Variants in SLC44A5 observed in about 807,000 individuals in gnomAD.
SLC44A5 encodes solute carrier family 44 member 5, also known as choline transporter-like protein 5.
Under a neutral mutation model 101.8 loss-of-function variants are expected in SLC44A5, and 57 were observed. The ratio of observed to expected loss-of-function variants is 0.56; its 90% CI spans 0.45 to 0.70. SLC44A5 has a LOEUF of 0.70. Among genes scored for constraint, SLC44A5 ranks in the 30% least tolerant of loss-of-function variants. SLC44A5 has a pLI of 0.00. For missense variants in SLC44A5, 737 were observed against 853.1 expected (o/e 0.86, Z 1.70); for synonymous variants, 281 against 290.9 (o/e 0.97, Z 0.35).
intron 2 of SLC44A5, among the ~76,000 whole-genome samples, chr1:75,456,443 T>C (rs1666193590): frequency 1.3e-5 from 2 of 152,174 alleles, no homozygotes; most frequent in Non-Finnish European, 2.9e-5. Flanking sequence ...CTCCAAACCT[T>C]AACATCACAC....
At chr1:75,689,276 T>A in the SLC44A5 span, among the ~76,000 whole-genome samples, 1,151 of 151,884 alleles carry the variant, frequency 7.6e-3, 18 homozygotes, top group African/African-American at 0.027. Flanking sequence ...CCCATTCAAG[T>A]CCTAAACTTC....
At position 75,217,879 on chromosome 1, in the gene SLC44A5, G is replaced by A; in HGVS notation, c.1611C>T (p.Asp537=). 4 of 1,588,058 alleles carry A rather than the reference G, an allele frequency of 2.5e-6. No individual in the cohort carries two copies. Among genetic ancestry groups the A allele is most frequent in the Non-Finnish European group, 3.5e-6 (4 of 1,156,796 alleles). ...QMFKIVLEYL[D]HRLKRTQNTL... ...CTGAAATCTTACGTTTAAGACGGTG[G>A]TCCAAGTATTCTAGTACAATTTTAA... is the stretch of plus-strand genomic sequence containing the variant. The change falls in exon 18 of 24, where the codon GAC becomes GAT. Residue 537 remains aspartate, a synonymous_variant. Coordinates refer to ENST00000370859, the MANE Select transcript of SLC44A5 (RefSeq NM_001130058.2).
intron 7 of SLC44A5, among the ~76,000 whole-genome samples, chr1:75,245,841 G>A (rs1227411374): frequency 6.6e-6 from 1 of 152,082 alleles, no homozygotes; most frequent in Non-Finnish European, 1.5e-5. Context: ...ACTTCAAATA[G>A]GGTGCAGATT....
chr1:75,313,473 C>G (rs780371516), intron 4 of SLC44A5, among the ~76,000 whole-genome samples: 1 of 152,156 alleles, frequency 6.6e-6, no homozygotes, highest in Non-Finnish European at 1.5e-5. Flanking sequence ...ATGTAGTTAG[C>G]TGGCATCTGT....
chr1:75,563,751 A>G (rs1018385408), intron 1 of SLC44A5, among the ~76,000 whole-genome samples: 8 of 152,160 alleles, frequency 5.3e-5, no homozygotes, highest in African/African-American at 1.9e-4. Flanking sequence ...AAACCACATA[A>G]TAAGTGCAAA....
At chr1:75,613,229 G>A (rs1675732892), upstream of SLC44A5, among the ~76,000 whole-genome samples, 1 of 152,178 alleles carries the variant, frequency 6.6e-6, no homozygotes, top group South Asian at 2.1e-4. Flanking sequence ...ATGGAATATT[G>A]CTAAATCTAC....
At chr1:75,319,577 C>A (rs1253389195) in intron 4 of SLC44A5, among the ~76,000 whole-genome samples, 1 of 152,196 alleles carries the variant, frequency 6.6e-6, no homozygotes, top group Non-Finnish European at 1.5e-5. Flanking sequence ...CCAAGTTCTG[C>A]CTTTTTTTCT....
intron 2 of SLC44A5, among the ~76,000 whole-genome samples, chr1:75,411,250 G>A (rs1477912455): frequency 6.6e-6 from 1 of 152,072 alleles, no homozygotes; most frequent in Non-Finnish European, 1.5e-5. Flanking sequence ...AAGGAAGAAA[G>A]GGGTCTCAAG....
At chr1:75,417,006 G>A (rs769749527) in intron 2 of SLC44A5, among the ~76,000 whole-genome samples, 12 of 152,238 alleles carry the variant, frequency 7.9e-5, no homozygotes, top group East Asian at 1.9e-4. Context: ...GAGTTGAAAC[G>A]AGTTGAGACC....
chr1:75,486,916 T>C (rs1254114213), intron 2 of SLC44A5, among the ~76,000 whole-genome samples: 5 of 152,238 alleles, frequency 3.3e-5, no homozygotes, highest in Non-Finnish European at 5.9e-5. Flanking sequence ...AAATATATCA[T>C]GGAAATTAGA....
At chr1:75,652,753 C>T in the SLC44A5 span, among the ~76,000 whole-genome samples, 1 of 152,118 alleles carries the variant, frequency 6.6e-6, no homozygotes, top group African/African-American at 2.4e-5. Context: ...ATGATCACAC[C>T]ACTACACTTC....
chr1:75,655,705 G>C, the SLC44A5 span, among the ~76,000 whole-genome samples: 2 of 152,128 alleles, frequency 1.3e-5, no homozygotes, highest in African/African-American at 4.8e-5. Flanking sequence ...CTTGCAACCA[G>C]GTACCAGCCC....
chr1:75,262,114 C>CAT (rs1350946437), intron 6 of SLC44A5, among the ~76,000 whole-genome samples: 1 of 151,526 alleles, frequency 6.6e-6, no homozygotes, highest in Admixed American at 6.6e-5. Flanking sequence ...CACTCCTTCA[C>CAT]AGTATTAGAA....
intron 23 of SLC44A5, 127 bp from the exon 24 acceptor site, chr1:75,203,960 T>G (rs1570342771): frequency 3.5e-6 from 4 of 1,159,198 alleles, no homozygotes; most frequent in Middle Eastern, 3.0e-4. Flanking sequence ...TGTTGTTGTT[T>G]TTTAAACAGC....
chr1:75,567,989 G>A (rs888360392), intron 1 of SLC44A5, among the ~76,000 whole-genome samples: 2 of 152,042 alleles, frequency 1.3e-5, no homozygotes, highest in Non-Finnish European at 2.9e-5. Context: ...CAGACTTCTC[G>A]GCATATAGTT....
intron 2 of SLC44A5, among the ~76,000 whole-genome samples, chr1:75,422,748 C>T (rs1298908406): frequency 6.6e-6 from 1 of 152,146 alleles, no homozygotes; most frequent in East Asian, 1.9e-4. Flanking sequence ...CGTTTGCTGT[C>T]AAGAAAACTG....
chr1:75,302,134 T>TTTG (rs1654532652), intron 4 of SLC44A5, among the ~76,000 whole-genome samples: 1 of 145,184 alleles, frequency 6.9e-6, no homozygotes, highest in African/African-American at 2.5e-5. Context: ...TTTTTTTTTT[T>TTTG]TTGGTTAACA....
chr1:75,482,106 T>C (rs1557833649), intron 2 of SLC44A5, among the ~76,000 whole-genome samples: 1 of 152,100 alleles, frequency 6.6e-6, no homozygotes, highest in Non-Finnish European at 1.5e-5. Context: ...AATGATGAGT[T>C]CATGTCCTTT....
intron 1 of SLC44A5, among the ~76,000 whole-genome samples, chr1:75,573,271 G>A: frequency 6.6e-6 from 1 of 151,916 alleles, no homozygotes; most frequent in Non-Finnish European, 1.5e-5. Flanking sequence ...TTGAACCCGG[G>A]AGGCAGAGGT....
Sources: gnomAD v4.1 joint callset for allele counts (sites outside exome capture counted in the v4.1 genomes callset) on GRCh38, gnomAD v4.1.1 for gene constraint, MANE v1.5 for transcripts, NCBI Gene and HGNC (gene_info 2026-07-23, HGNC 2026-07-21) for gene names.